The following MMP26 variants were observed in gnomAD, a reference collection of about 807,000 sequenced individuals.
MMP26 encodes matrix metallopeptidase 26.
Under a neutral mutation model 31.0 loss-of-function variants are expected in MMP26, and 33 were observed. The observed-to-expected ratio is 1.06, with a 90% CI of 0.81 to 1.42. MMP26 has a LOEUF of 1.42. MMP26 is among the 40% of genes most tolerant of loss of function. The probability of loss-of-function intolerance (pLI) is 0.00; values close to 1 mark genes in which losing one functional copy is unlikely to be tolerated. For missense variants in MMP26, 347 were observed against 316.1 expected, an observed-to-expected ratio of 1.10 and a Z score of -0.74; for synonymous variants, 122 against 114.9, an observed-to-expected ratio of 1.06 and a Z score of -0.40.
At chr11:4,990,933 G>C (rs1470994917) in intron 5 of MMP26, among the ~76,000 whole-genome samples, 187 bp downstream of exon 5, 1 of 152,168 alleles carries the variant, frequency 6.6e-6, no homozygotes, top group Non-Finnish European at 1.5e-5. Context: ...AATAAATAAA[G>C]AAGAGGTGTT....
In MMP26 at chr11:4,767,010, C is replaced by G. The variant is rs565553172; in HGVS notation, c.-216-260C>G. On this transcript the variant is annotated intron_variant, in intron 1 of 7. Coordinates refer to ENST00000380390, the MANE Select transcript of MMP26 (RefSeq NM_021801.5). ...CACATATAAAAGTCAGAAAGTGTAG[C>G]CAAATTTGTAAACTAAATCGATAAA... Among the ~76,000 whole-genome samples the G allele has an allele frequency of 1.0e-3, 155 of 152,170 alleles. 4 individuals are homozygous for G. In the South Asian group the frequency reaches 0.012, roughly 12 times the overall value.
chr11:4,898,972 A>T (rs1385322713), intron 2 of MMP26, among the ~76,000 whole-genome samples: 1 of 152,086 alleles, frequency 6.6e-6, no homozygotes, highest in Admixed American at 6.6e-5. Context: ...GGCCTCTGTC[A>T]GTGCTACAGA....
intron 2 of MMP26, among the ~76,000 whole-genome samples, chr11:4,984,396 A>G (rs889592649): frequency 2.6e-5 from 4 of 152,186 alleles, no homozygotes; most frequent in Non-Finnish European, 5.9e-5. Flanking sequence ...GGCACAGCGT[A>G]TGCGCTCAAT....
At chr11:4,780,115 A>G (rs1848838869) in intron 2 of MMP26, among the ~76,000 whole-genome samples, 2 of 151,830 alleles carry the variant, frequency 1.3e-5, no homozygotes, top group South Asian at 2.1e-4. Flanking sequence ...TTTTGTTTTT[A>G]TTTTTCAATT....
chr11:4,952,131 T>C (rs1373316034), intron 2 of MMP26, among the ~76,000 whole-genome samples: 1 of 124,932 alleles, frequency 8.0e-6, no homozygotes, highest in African/African-American at 2.7e-5. Flanking sequence ...GTGCAAATCA[T>C]TATGTTCACC....
intron 1 of MMP26, among the ~76,000 whole-genome samples, chr11:4,716,995 G>A (rs762331750): frequency 3.3e-5 from 5 of 151,982 alleles, no homozygotes; most frequent in Non-Finnish European, 7.4e-5. Context: ...CTTTTGGTAC[G>A]TTTTATCTCA....
intron 2 of MMP26, among the ~76,000 whole-genome samples, chr11:4,866,616 G>C (rs1014728147): frequency 6.6e-6 from 1 of 152,098 alleles, no homozygotes; most frequent in African/African-American, 2.4e-5. Context: ...AAAAGAGCCT[G>C]AATAGCCAAG....
chr11:4,865,206 C>G (rs1056252097), intron 2 of MMP26, among the ~76,000 whole-genome samples: 2 of 152,022 alleles, frequency 1.3e-5, no homozygotes, highest in African/African-American at 4.8e-5. Flanking sequence ...CTCACATATT[C>G]TTTAATTGCT....
intron 2 of MMP26, chr11:4,946,758 A>T: frequency 6.3e-7 from 1 of 1,588,498 alleles, no homozygotes; most frequent in Non-Finnish European, 8.6e-7. Context: ...AGGAGGACTG[A>T]GGACTCCAGT....
At chr11:4,865,072 A>G (rs1258641306) in intron 2 of MMP26, among the ~76,000 whole-genome samples, 1 of 152,002 alleles carries the variant, frequency 6.6e-6, no homozygotes, top group African/African-American at 2.4e-5. Flanking sequence ...AGCTCCAGCT[A>G]TTCCCCCTCC....
At chr11:4,921,395 C>G (rs1319730236) in intron 2 of MMP26, among the ~76,000 whole-genome samples, 1 of 152,088 alleles carries the variant, frequency 6.6e-6, no homozygotes, top group African/African-American at 2.4e-5. Context: ...TAAAACAAAA[C>G]AAAACAAAAT....
chr11:4,783,874 C>A (rs1009851575), intron 2 of MMP26, among the ~76,000 whole-genome samples: 1 of 152,158 alleles, frequency 6.6e-6, no homozygotes, highest in African/African-American at 2.4e-5. Flanking sequence ...ATGTGACTTG[C>A]TCCTCGTCTT....
chr11:4,709,179 T>G (rs1847824571), intron 1 of MMP26, among the ~76,000 whole-genome samples: 1 of 152,176 alleles, frequency 6.6e-6, no homozygotes, highest in Non-Finnish European at 1.5e-5. Context: ...CAGGGTGAAT[T>G]TCCTGTTGTG....
intron 2 of MMP26, among the ~76,000 whole-genome samples, chr11:4,896,466 A>G (rs1461100755): frequency 6.6e-6 from 1 of 152,158 alleles, no homozygotes; most frequent in Non-Finnish European, 1.5e-5. Context: ...GGATCAGATC[A>G]CAGCTTTTAC....
chr11:4,808,725 A>G (rs1424777283), intron 2 of MMP26, among the ~76,000 whole-genome samples: 1 of 148,502 alleles, frequency 6.7e-6, no homozygotes, highest in Admixed American at 6.8e-5. Flanking sequence ...TCCTCATTCC[A>G]TTCTGCTTGC....
chr11:4,868,492 C>T (rs911115113), intron 2 of MMP26, among the ~76,000 whole-genome samples: 11 of 152,044 alleles, frequency 7.2e-5, no homozygotes, highest in African/African-American at 2.7e-4. Flanking sequence ...AATAAAATAC[C>T]TAGGAATCCA....
At chr11:4,747,000 A>C (rs908395231) in intron 1 of MMP26, among the ~76,000 whole-genome samples, 1 of 152,152 alleles carries the variant, frequency 6.6e-6, no homozygotes, top group African/African-American at 2.4e-5. Flanking sequence ...TGAATGTTTG[A>C]AGTAGGGTAG....
intron 1 of MMP26, among the ~76,000 whole-genome samples, chr11:4,733,765 AG>A (rs1457539275): frequency 2.6e-5 from 4 of 152,172 alleles, no homozygotes; most frequent in Admixed American, 2.0e-4. Flanking sequence ...ATTATATTAG[AG>A]GGGAATATTC....
chr11:4,901,005 A>AT (rs1487334227), intron 2 of MMP26, among the ~76,000 whole-genome samples: 1 of 152,082 alleles, frequency 6.6e-6, no homozygotes, highest in African/African-American at 2.4e-5. Context: ...AACTTTACTC[A>AT]TTTATGAACT....
Sources: allele counts gnomAD v4.1 joint callset (sites outside exome capture counted in the v4.1 genomes callset), GRCh38; gene constraint gnomAD v4.1.1; transcripts MANE v1.5; gene names NCBI Gene and HGNC (gene_info 2026-07-23, HGNC 2026-07-21).